EPOR: variants seen among roughly 807,000 people sequenced by gnomAD.
EPOR encodes the protein erythropoietin receptor.
EPOR carries 20 observed loss-of-function variants against 34.3 expected under a neutral mutation model. That is an observed-to-expected ratio of 0.58 (90% CI 0.41 to 0.85). The LOEUF (loss-of-function observed/expected upper bound fraction) is 0.85, where lower values mean the gene tolerates loss of function less well. Among genes scored for constraint, EPOR ranks in the 40% least tolerant of loss-of-function variants. EPOR has a pLI of 0.00. For synonymous variants in EPOR, 312 were observed against 299.0 expected (o/e 1.04, Z -0.45); for missense variants, 601 against 672.7 (o/e 0.89, Z 1.18).
At chr19:11,382,207 T>TTGTG in intron 2 of EPOR, 102 bp from the exon 3 acceptor site, 1 of 951,572 alleles carries the variant, frequency 1.1e-6, no homozygotes, top group Non-Finnish European at 1.6e-6. Flanking sequence ...AGGTCTAGCC[T>TTGTG]TGTGTGTGTG....
chr19:11,377,879 GCC>G lies in EPOR; in HGVS notation c.*103_*104del, dbSNP rs1968301872. Reference sequence around the variant, plus strand: ...GGATTGGGCAGACAAAATCAGCAATGCCCCTGCTCCTGAGAGAGGCCTCGCCA... The same window carrying G: ...GGATTGGGCAGACAAAATCAGCAATGCCTGCTCCTGAGAGAGGCCTCGCCA... On this transcript the variant is annotated 3_prime_UTR_variant, in exon 8 of 8. Transcript: ENST00000222139. 1 of 1,411,984 alleles carries G rather than the reference GCC, an allele frequency of 7.1e-7. No individual in the cohort carries two copies. The highest frequency in any genetic ancestry group is 1.0e-6 in the Non-Finnish European group (1 of 1,002,458). The allele number at this position is 1,411,984 out of a possible 1,614,324, so 87.5% of individuals were successfully genotyped here. A position where few individuals can be genotyped will look rare whatever the true frequency, so the allele number is the denominator to read the frequency against.
At chr19:11,384,007 G>T (rs1470157971) in intron 1 of EPOR, 86 bp downstream of exon 1, 9 of 926,830 alleles carry the variant, frequency 9.7e-6, no homozygotes, top group African/African-American at 3.3e-5. Flanking sequence ...AAACAGGCAT[G>T]GCCCCCAGGA....
chr19:11,381,931 T>C lies in EPOR; in HGVS notation c.426A>G (p.Val142=). ...RYHRVIHINE[V]VLLDAPVGLV... The stretch of plus-strand genomic sequence containing the variant: ...CTCCTCCATTCCCAGAGCACTTACC[T>C]ACTTCATTGATGTGGATGACACGGT... Residue 142 remains valine, a splice_region_variant and synonymous_variant, in exon 3 of 8, where the codon GTA becomes GTG. Transcript: ENST00000222139. This position sits in a 1 kb window ranked among gnomAD's most constrained non-coding sequence, Gnocchi z 5.3. 6.2e-7 allele frequency: 1 copy of C among 1,614,180 alleles called. No individual in the cohort carries two copies. Among genetic ancestry groups the C allele is most frequent in the Non-Finnish European group, 8.5e-7 (1 of 1,180,008 alleles).
chr19:11,378,014 A>G lies in EPOR; in HGVS notation c.1497T>C (p.Pro499=). 6.2e-7 allele frequency: 1 copy of G among 1,614,138 alleles called. No individual in the cohort carries two copies. The highest frequency in any genetic ancestry group is 1.1e-5 in the South Asian group (1 of 91,080). The change falls in exon 8 of 8, where the codon CCT becomes CCC. Residue 499 remains proline, a synonymous_variant. Transcript: ENST00000222139. This position sits in a 1 kb window ranked among gnomAD's most constrained non-coding sequence, Gnocchi z 5.3. ...AGCAAGCCACATAGCTGGGGGGCAG[A>G]GGCTCAGCGGCTGGGATAAGGCTGT... The part of the protein sequence containing the change: ...YENSLIPAAE[P]LPPSYVACS
Position 11,377,238 on chromosome 19 carries a change from G to A in EPOR, c.*746C>T. ...CAGAATTACTTTTATTATTATTAGTGGCAGAGACTAGCTAGTGGCCCTTAA... is the reference window on the plus strand; with the variant it reads ...CAGAATTACTTTTATTATTATTAGTAGCAGAGACTAGCTAGTGGCCCTTAA... On this transcript the variant is annotated 3_prime_UTR_variant, in exon 8 of 8. Coordinates refer to ENST00000222139, the MANE Select transcript of EPOR (RefSeq NM_000121.4). The A allele has an allele frequency of 2.2e-6, 1 of 454,000 alleles. No homozygotes were observed. 28.1% of individuals were successfully genotyped at this position (454,000 alleles called of 1,614,324 possible).
In EPOR at chr19:11,377,433, T is replaced by C. The variant is rs1307103481; in HGVS notation, c.*551A>G. The C allele has an allele frequency of 4.4e-6, 2 of 453,890 alleles. No individual in the cohort carries two copies. Among genetic ancestry groups the C allele is most frequent in the African/African-American group, 4.0e-5 (2 of 49,944 alleles). 28.1% of individuals were successfully genotyped at this position (453,890 alleles called of 1,614,324 possible). On this transcript the variant is annotated 3_prime_UTR_variant, in exon 8 of 8. Coordinates refer to ENST00000222139, the MANE Select transcript of EPOR (RefSeq NM_000121.4). Reference sequence around the variant, plus strand: ...TGAGGGTCATTGCTGCCCTTTTTCTTCCCTTGCTGACTGGCAGTTTGTAGA... The same window carrying C: ...TGAGGGTCATTGCTGCCCTTTTTCTCCCCTTGCTGACTGGCAGTTTGTAGA...
In EPOR at chr19:11,381,042, G is replaced by A. The variant is rs371957118; in HGVS notation, c.739+14C>T. 2 of 1,594,066 alleles carry A rather than the reference G, an allele frequency of 1.3e-6. No homozygotes were observed. The highest frequency in any genetic ancestry group is 2.3e-5 in the East Asian group (1 of 44,088). Reference sequence around the variant, plus strand: ...TCGCCCTGGCTCCTCCTACACCCCCGCCTGGGGCCTCACCGCTAGGCGTCA... The same window carrying A: ...TCGCCCTGGCTCCTCCTACACCCCCACCTGGGGCCTCACCGCTAGGCGTCA... On this transcript the variant is annotated intron_variant, in intron 5 of 7. Coordinates refer to ENST00000222139, the MANE Select transcript of EPOR (RefSeq NM_000121.4). The surrounding 1 kb of genome is among the most constrained non-coding windows in gnomAD (Gnocchi z 5.3).
chr19:11,379,738 T>C (rs1396886618), intron 6 of EPOR, among the ~76,000 whole-genome samples: 5 of 151,792 alleles, frequency 3.3e-5, no homozygotes, highest in Admixed American at 6.6e-5. Flanking sequence ...TTCACTCTTA[T>C]TGCCCAGGCT....
In EPOR at chr19:11,383,716, T is replaced by G. The variant is rs1156320715; in HGVS notation, c.115+377A>C. Among the ~76,000 whole-genome samples the G allele has an allele frequency of 1.3e-5, 2 of 151,350 alleles. No individual in the cohort carries two copies. Among genetic ancestry groups the G allele is most frequent in the Admixed American group, 6.6e-5 (1 of 15,230 alleles). The stretch of plus-strand genomic sequence containing the variant: ...TTACAGTAGCCTGTGGCTTGGCCCC[T>G]CTAACTCGGACCCGGGCTTTACCCT... On this transcript the variant is annotated intron_variant, in intron 1 of 7. Transcript: ENST00000222139. The surrounding 1 kb of genome is among the most constrained non-coding windows in gnomAD (Gnocchi z 4.9).
chr19:11,379,309 C>T (rs1186380060), intron 6 of EPOR, among the ~76,000 whole-genome samples: 3 of 152,138 alleles, frequency 2.0e-5, no homozygotes, highest in Non-Finnish European at 1.5e-5. Flanking sequence ...AAGCCAGGCA[C>T]GGTGGCTCAT....
rs1471612554 is a variant in EPOR, at chr19:11,378,346, C to T, written c.1165G>A (p.Gly389Ser). 1 of 1,613,382 alleles carries T rather than the reference C, an allele frequency of 6.2e-7. No individual in the cohort carries two copies. The highest frequency in any genetic ancestry group is 2.2e-5 in the East Asian group (1 of 44,884). The change falls in exon 8 of 8, where the codon GGT (glycine) becomes AGT (serine). Residue 389 changes from glycine to serine, a missense_variant. Coordinates refer to ENST00000222139, the MANE Select transcript of EPOR (RefSeq NM_000121.4). The surrounding 1 kb of genome is among the most constrained non-coding windows in gnomAD (Gnocchi z 5.3). The stretch of plus-strand genomic sequence containing the variant: ...ATGGCCACTATGTCCACACTGCCAC[C>T]AGGCCCTGGGAGGTCCTCACTGGGC... ...NPPSEDLPGPGGSVDIVAMDE... is the reference protein window; with the variant it reads ...NPPSEDLPGPSGSVDIVAMDE...
At position 11,381,853 on chromosome 19, in the gene EPOR, C is replaced by T; in HGVS notation, c.428-4G>A. The T allele has an allele frequency of 6.2e-7, 1 of 1,614,144 alleles. No individual in the cohort carries two copies. On this transcript the variant is annotated splice_region_variant and splice_polypyrimidine_tract_variant and intron_variant, in intron 3 of 7. Transcript: ENST00000222139. The surrounding 1 kb of genome is among the most constrained non-coding windows in gnomAD (Gnocchi z 5.3). Reference sequence around the variant, plus strand: ...CCCACGGGGGCGTCTAGGAGCACTGCAGGCATGGGGGTTGGTCAGGTGGGC... The same window carrying T: ...CCCACGGGGGCGTCTAGGAGCACTGTAGGCATGGGGGTTGGTCAGGTGGGC...
In EPOR at chr19:11,384,146, C is replaced by T; in HGVS notation, c.62G>A (p.Gly21Glu). Reference protein sequence around the residue: ...QVGSLCLLLAGAAWAPPPNLP... With the variant: ...QVGSLCLLLAEAAWAPPPNLP... ...GTTAGGCGGGGGCGCCCAGGCGGCC[C>T]CAGCGAGCAGGAGACAAAGGGAGCC... is the stretch of plus-strand genomic sequence containing the variant. The change falls in exon 1 of 8, where the codon GGG (glycine) becomes GAG (glutamate). Residue 21 changes from glycine (G) to glutamate (E), a missense_variant. Gly to Glu is a moderately conservative substitution (Grantham distance 98). Transcript: ENST00000222139. The T allele has an allele frequency of 6.4e-7, 1 of 1,550,406 alleles. No individual in the cohort carries two copies. The highest frequency in any genetic ancestry group is 2.0e-5 in the Admixed American group (1 of 50,952).
Position 11,383,965 on chromosome 19 carries a change from C to A in EPOR, c.115+128G>T. ...CCCAGTCTAAGGGTTCAGATGCCAG[C>A]TTGGCCCCCAGGACCCGGTCAGGAA... On this transcript the variant is annotated intron_variant, in intron 1 of 7. Coordinates refer to ENST00000222139, the MANE Select transcript of EPOR (RefSeq NM_000121.4). The surrounding 1 kb of genome is among the most constrained non-coding windows in gnomAD (Gnocchi z 4.9). The A allele has an allele frequency of 4.3e-6, 2 of 468,132 alleles. No individual in the cohort carries two copies. Among genetic ancestry groups the A allele is most frequent in the Admixed American group, 2.5e-5 (1 of 40,520 alleles). The allele number at this position is 468,132 out of a possible 1,614,324, so 29.0% of individuals were successfully genotyped here. A position where few individuals can be genotyped will look rare whatever the true frequency, so the allele number is the denominator to read the frequency against.
At position 11,378,114 on chromosome 19, in the gene EPOR, G is replaced by T. The variant is rs1378561162; in HGVS notation, c.1397C>A (p.Thr466Asn). ...CTGGGAGTCCCCTGAGCTGTAGTCA[G>T]TTGAGATGCCAGAGTCAGATACCAC... is the stretch of plus-strand genomic sequence containing the variant. ...YLVVSDSGISTDYSSGDSQGA... is the reference protein window; with the variant it reads ...YLVVSDSGISNDYSSGDSQGA... The change falls in exon 8 of 8, where the codon ACT (threonine) becomes AAT (asparagine). Residue 466 changes from threonine to asparagine, a missense_variant. Transcript: ENST00000222139. The surrounding 1 kb of genome is among the most constrained non-coding windows in gnomAD (Gnocchi z 5.3). The T allele has an allele frequency of 1.2e-6, 2 of 1,614,096 alleles. No homozygotes were observed. Among genetic ancestry groups the T allele is most frequent in the South Asian group, 1.1e-5 (1 of 91,086 alleles).
intron 6 of EPOR, among the ~76,000 whole-genome samples, chr19:11,380,341 CTG>C (rs756319611): frequency 1.3e-5 from 2 of 152,218 alleles, no homozygotes; most frequent in Non-Finnish European, 2.9e-5. Flanking sequence ...GTTTGGCACT[CTG>C]TTTGTATTTT....
rs772383554 is a variant in EPOR, at chr19:11,378,358, G to T, written c.1153C>A (p.Leu385Ile). Residue 385 changes from leucine to isoleucine, a missense_variant, in exon 8 of 8, where the codon CTC (leucine) becomes ATC (isoleucine). By Grantham distance (5) the Leu-to-Ile change is conservative. Coordinates refer to ENST00000222139, the MANE Select transcript of EPOR (RefSeq NM_000121.4). This position sits in a 1 kb window ranked among gnomAD's most constrained non-coding sequence, Gnocchi z 5.3. ...TCCACACTGCCACCAGGCCCTGGGAGGTCCTCACTGGGCGGGTTCCGGGGC... is the reference window on the plus strand; with the variant it reads ...TCCACACTGCCACCAGGCCCTGGGATGTCCTCACTGGGCGGGTTCCGGGGC... ...LLPRNPPSED[L>I]PGPGGSVDIV... The T allele has an allele frequency of 5.0e-6, 8 of 1,613,220 alleles. No individual in the cohort carries two copies. In the African/African-American group the frequency reaches 8.0e-5, roughly 16 times the overall value.
At position 11,381,456 on chromosome 19, in the gene EPOR, C is replaced by T. The variant is rs62131143; in HGVS notation, c.585+236G>A. 1.6e-4 allele frequency: 104 copies of T among 668,060 alleles called. 1 individual carries two copies. The highest frequency in any genetic ancestry group is 5.1e-4 in the Admixed American group (18 of 35,008). The allele number at this position is 668,060 out of a possible 1,614,324, so 41.4% of individuals were successfully genotyped here. A position where few individuals can be genotyped will look rare whatever the true frequency, so the allele number is the denominator to read the frequency against. On this transcript the variant is annotated intron_variant, in intron 4 of 7. Coordinates refer to ENST00000222139, the MANE Select transcript of EPOR (RefSeq NM_000121.4). The surrounding 1 kb of genome is among the most constrained non-coding windows in gnomAD (Gnocchi z 5.3). ...TAGCACTCGTAGAGGGACCCGGGCG[C>T]TAAAGGGGTCTAGGGTTACGGGCCG...
chr19:11,383,378 G>T lies in EPOR; in HGVS notation c.116-146C>A. 1.3e-6 allele frequency: 1 copy of T among 752,850 alleles called. No homozygotes were observed. Among genetic ancestry groups the T allele is most frequent in the Non-Finnish European group, 2.1e-6 (1 of 482,510 alleles). 46.6% of individuals were successfully genotyped at this position (752,850 alleles called of 1,614,324 possible). On this transcript the variant is annotated intron_variant, in intron 1 of 7. Transcript: ENST00000222139. This position sits in a 1 kb window ranked among gnomAD's most constrained non-coding sequence, Gnocchi z 4.9. ...TCTTCCCAAGCGGGTCCCTTGGAGG[G>T]GTCCGCAGAGGTGGTGCCCCCCTAA...
Sources: allele counts gnomAD v4.1 joint callset (sites outside exome capture counted in the v4.1 genomes callset), GRCh38; gene constraint gnomAD v4.1.1; non-coding constraint Gnocchi (gnomAD v3.1); transcripts MANE v1.5; gene names NCBI Gene and HGNC (gene_info 2026-07-23, HGNC 2026-07-21).